The following SEC24B variants were observed in gnomAD, a reference collection of about 807,000 sequenced individuals.
The protein encoded by SEC24B is SEC24 homolog B, COPII component, also known as protein transport protein Sec24B.
In SEC24B, 45 loss-of-function variants were observed where a neutral mutation model predicts 142.8. That is an observed-to-expected ratio of 0.32 (90% CI 0.25 to 0.40). SEC24B has a LOEUF of 0.40. SEC24B is among the 10% of genes least tolerant of loss of function. The pLI is 1.00. For synonymous variants in SEC24B, 574 were observed against 568.2 expected, an observed-to-expected ratio of 1.01 and a Z score of -0.15; for missense variants, 1,409 against 1,526.8, an observed-to-expected ratio of 0.92 and a Z score of 1.29.
At chr4:109,439,343 T>C (rs1728697359) in intron 1 of SEC24B, among the ~76,000 whole-genome samples, 1 of 152,010 alleles carries the variant, frequency 6.6e-6, no homozygotes, top group Admixed American at 6.6e-5. Context: ...TTCCTTTTGA[T>C]CAGAGCCACA....
rs778041834 is a variant in SEC24B at position 109,491,319 on chromosome 4, C to T, written c.1166-8C>T. 21 of 1,607,062 alleles carry T rather than the reference C, an allele frequency of 1.3e-5. No individual in the cohort carries two copies. Among genetic ancestry groups the T allele is most frequent in the Middle Eastern group, 1.7e-4 (1 of 6,038 alleles). On this transcript the variant is annotated splice_region_variant and splice_polypyrimidine_tract_variant and intron_variant, in intron 4 of 23. Coordinates refer to ENST00000265175, the MANE Select transcript of SEC24B (RefSeq NM_006323.5). ...TAAACCTAGTAGATATTTTGGTTTTCCTTTTAGGTGTTGACAGCTCTTCTA... is the reference window on the plus strand; with the variant it reads ...TAAACCTAGTAGATATTTTGGTTTTTCTTTTAGGTGTTGACAGCTCTTCTA...
Position 109,510,035 on chromosome 4 carries a change from T to C in SEC24B, c.1700T>C (p.Ile567Thr). 1.9e-6 allele frequency: 3 copies of C among 1,608,790 alleles called. No individual in the cohort carries two copies. Among genetic ancestry groups the C allele is most frequent in the Non-Finnish European group, 1.7e-6 (2 of 1,178,138 alleles). Residue 567 changes from isoleucine to threonine, a missense_variant, in exon 8 of 24, where the codon ATT becomes ACT. Ile to Thr is a moderately conservative substitution (Grantham distance 89). Transcript: ENST00000265175. ...PDSFRCTLTNIPQTQALLNKA... is the reference protein window; with the variant it reads ...PDSFRCTLTNTPQTQALLNKA... Reference sequence around the variant, plus strand: ...TCATTTCGGTGTACTTTGACAAATATTCCACAGACACAGGCTTTACTGAAT... The same window carrying C: ...TCATTTCGGTGTACTTTGACAAATACTCCACAGACACAGGCTTTACTGAAT...
chr4:109,445,500 T>C, intron 1 of SEC24B, among the ~76,000 whole-genome samples: 1 of 146,646 alleles, frequency 6.8e-6, no homozygotes, highest in Non-Finnish European at 1.5e-5. Context: ...GATCCGCCCG[T>C]CTCAGCCTCC....
chr4:109,474,410 T>A (rs1277647164), intron 3 of SEC24B, among the ~76,000 whole-genome samples: 4 of 151,662 alleles, frequency 2.6e-5, no homozygotes, highest in Admixed American at 2.0e-4. Flanking sequence ...CCCTGCTGCT[T>A]ATTTCTTCCT....
chr4:109,461,024 A>G (rs1213024808), intron 1 of SEC24B, among the ~76,000 whole-genome samples: 1 of 152,142 alleles, frequency 6.6e-6, no homozygotes, highest in Non-Finnish European at 1.5e-5. Context: ...AAGTGAAAAC[A>G]TAACAGTAAC....
chr4:109,498,195 C>G lies in SEC24B; in HGVS notation c.1488+3339C>G, dbSNP rs1418070044. ...GAAGATTACAAGCAGCTATTTTTGT[C>G]TGATCTGAATTTGAAATCATTTTTT... On this transcript the variant is annotated intron_variant, in intron 6 of 23. Coordinates refer to ENST00000265175, the MANE Select transcript of SEC24B (RefSeq NM_006323.5). Among the ~76,000 whole-genome samples the G allele has an allele frequency of 3.3e-5, 5 of 152,226 alleles. No homozygotes were observed. In the East Asian group the frequency reaches 7.7e-4, roughly 24 times the overall value.
rs1025258832 is a variant in SEC24B at position 109,460,653 on chromosome 4, G to A, written c.134-2248G>A. Among the ~76,000 whole-genome samples the A allele has an allele frequency of 5.9e-5, 9 of 152,042 alleles. No individual in the cohort carries two copies. In the East Asian group the frequency reaches 1.7e-3, roughly 29 times the overall value. On this transcript the variant is annotated intron_variant, in intron 1 of 23. Transcript: ENST00000265175. ...AACTGTGTTAAACATCTTGACTTTT[G>A]TGGCTCACTTATTGATAAATGGGTA...
At chr4:109,460,800 A>G (rs1731178023) in intron 1 of SEC24B, among the ~76,000 whole-genome samples, 1 of 151,122 alleles carries the variant, frequency 6.6e-6, no homozygotes, top group East Asian at 1.9e-4. Flanking sequence ...TATTAGGATT[A>G]ATGTTTTGTT....
Position 109,506,386 on chromosome 4 carries a change from C to G in SEC24B, c.1547C>G (p.Ser516Cys), listed in dbSNP as rs1736688716. The G allele has an allele frequency of 6.2e-7, 1 of 1,610,406 alleles. No homozygotes were observed. Among genetic ancestry groups the G allele is most frequent in the Non-Finnish European group, 8.5e-7 (1 of 1,178,110 alleles). Reference sequence around the variant, plus strand: ...ATAGGAGGATTGAGTCTTCAGAGTTCTCCACAACCAGAAAGCCTGAGACCT... The same window carrying G: ...ATAGGAGGATTGAGTCTTCAGAGTTGTCCACAACCAGAAAGCCTGAGACCT... ...SSIGGLSLQS[S>C]PQPESLRPVN... Residue 516 changes from serine to cysteine, a missense_variant, in exon 7 of 24, where the codon TCT becomes TGT. Coordinates refer to ENST00000265175, the MANE Select transcript of SEC24B (RefSeq NM_006323.5).
intron 2 of SEC24B, among the ~76,000 whole-genome samples, chr4:109,470,339 T>G (rs1033015273): frequency 1.2e-4 from 18 of 152,362 alleles, no homozygotes; most frequent in African/African-American, 4.3e-4. Context: ...TGGCTTGGCC[T>G]AAGATTCTAC....
intron 11 of SEC24B, among the ~76,000 whole-genome samples, chr4:109,516,939 G>C (rs1035978170): frequency 6.6e-6 from 1 of 152,100 alleles, no homozygotes; most frequent in East Asian, 1.9e-4. Context: ...CCAGTATATC[G>C]GGAATCTGGA....
chr4:109,442,756 CTT>C (rs1208715589), intron 1 of SEC24B, among the ~76,000 whole-genome samples: 5 of 152,024 alleles, frequency 3.3e-5, no homozygotes, highest in Non-Finnish European at 7.4e-5. Flanking sequence ...TGTTTTCTCT[CTT>C]CATTTTTTTC....
intron 19 of SEC24B, among the ~76,000 whole-genome samples, chr4:109,531,069 G>A (rs368329151): frequency 6.6e-6 from 1 of 152,156 alleles, no homozygotes; most frequent in East Asian, 1.9e-4. Flanking sequence ...ACTCTTTAAG[G>A]ACAGGAACTA....
intron 4 of SEC24B, among the ~76,000 whole-genome samples, chr4:109,482,963 T>TAC (rs1733898447): frequency 1.7e-5 from 1 of 57,388 alleles, no homozygotes. Flanking sequence ...TATATATATA[T>TAC]ATATATATAT....
rs1422374975 is a variant in SEC24B at position 109,532,642 on chromosome 4, G to A, written c.3394G>A (p.Ala1132Thr). The change falls in exon 21 of 24, where the codon GCA becomes ACA. Residue 1132 changes from alanine to threonine, a missense_variant. Ala to Thr is a moderately conservative substitution (Grantham distance 58). Around this residue, in one of 2 missense-constraint regions of SEC24B, gnomAD observed 700 missense variants for 853.3 expected, o/e 0.82. Coordinates refer to ENST00000265175, the MANE Select transcript of SEC24B (RefSeq NM_006323.5). ...YRIDRLTDEG[A>T]VHVNDRIVPQ... ...CATTCTCTCTTTTTCTTTTCAGGGT[G>A]CAGTACATGTTAATGACAGGATTGT... 3 of 1,610,456 alleles carry A rather than the reference G, an allele frequency of 1.9e-6. No homozygotes were observed. The highest frequency in any genetic ancestry group is 2.5e-6 in the Non-Finnish European group (3 of 1,176,940).
intron 1 of SEC24B, among the ~76,000 whole-genome samples, chr4:109,457,196 G>A (rs34132975): frequency 0.09 from 13,745 of 152,190 alleles, 707 homozygotes; most frequent in Middle Eastern, 0.18. Flanking sequence ...CTTTATTAAT[G>A]TCTTAGGACT....
chr4:109,449,550 TC>T, intron 1 of SEC24B: 1 of 455,632 alleles, frequency 2.2e-6, no homozygotes, highest in Non-Finnish European at 4.4e-6. Flanking sequence ...TCACAACAGT[TC>T]TGGAGGCTGG....
chr4:109,529,835 GC>G (rs1724699176), intron 18 of SEC24B, among the ~76,000 whole-genome samples: 1 of 152,210 alleles, frequency 6.6e-6, no homozygotes, highest in South Asian at 2.1e-4. Flanking sequence ...CCAGGCTCAA[GC>G]AGTCCTCCTA....
At chr4:109,513,271 G>A (rs1422954284) in intron 9 of SEC24B, among the ~76,000 whole-genome samples, 1 of 140,004 alleles carries the variant, frequency 7.1e-6, no homozygotes, top group Non-Finnish European at 1.5e-5. Flanking sequence ...ACTGCGCCTG[G>A]CCCCCTGATT....
Sources: gnomAD v4.1 joint callset for allele counts (sites outside exome capture counted in the v4.1 genomes callset) on GRCh38, gnomAD v4.1.1 for gene constraint, gnomAD v4.1.1 regional missense constraint, MANE v1.5 for transcripts, NCBI Gene and HGNC (gene_info 2026-07-23, HGNC 2026-07-21) for gene names.